BAZ1A: variants seen among roughly 807,000 people sequenced by gnomAD.
The protein encoded by BAZ1A is bromodomain adjacent to zinc finger domain 1A.
In BAZ1A, 50 loss-of-function variants were observed where a neutral mutation model predicts 185.2. The ratio of observed to expected loss-of-function variants is 0.27; its 90% CI spans 0.22 to 0.34. The LOEUF (loss-of-function observed/expected upper bound fraction) is 0.34, where lower values mean the gene tolerates loss of function less well. Ranked by LOEUF, BAZ1A falls within the 10% of genes least tolerant of loss-of-function variation. BAZ1A has a pLI of 1.00. For missense variants in BAZ1A, 1,356 were observed against 1,839.9 expected, an observed-to-expected ratio of 0.74 and a Z score of 4.81; for synonymous variants, 571 against 615.6, an observed-to-expected ratio of 0.93 and a Z score of 1.07.
At chr14:34,762,906 T>A (rs1349308715) in intron 23 of BAZ1A, among the ~76,000 whole-genome samples, 2 of 152,174 alleles carry the variant, frequency 1.3e-5, no homozygotes, top group Non-Finnish European at 2.9e-5. Context: ...AATGAAGTAA[T>A]CTTAAAATGA....
rs547556923 is a variant in BAZ1A at position 34,822,087 on chromosome 14, G to T, written c.536+3926C>A. ...AGGCGGGTGTATCACCTGAGGTCAGGAGTTTGAGACCAGCCTGTCCAACAT... is the reference window on the plus strand; with the variant it reads ...AGGCGGGTGTATCACCTGAGGTCAGTAGTTTGAGACCAGCCTGTCCAACAT... On this transcript the variant is annotated intron_variant, in intron 4 of 26. Coordinates refer to ENST00000360310, the MANE Select transcript of BAZ1A (RefSeq NM_013448.3). Among the ~76,000 whole-genome samples, 843 of 152,218 alleles carry T rather than the reference G, an allele frequency of 5.5e-3. 8 individuals are homozygous for T. Among genetic ancestry groups the T allele is most frequent in the African/African-American group, 0.02 (812 of 41,530 alleles).
rs535213279 is a variant in BAZ1A at position 34,777,375 on chromosome 14, G to C, written c.2237-860C>G. 4.6e-5 allele frequency among the ~76,000 whole-genome samples: 7 copies of C among 152,348 alleles called. No individual in the cohort carries two copies. The East Asian group carries it at 1.3e-3, about 29-fold the overall frequency. On this transcript the variant is annotated intron_variant, in intron 17 of 26. Transcript: ENST00000360310. The stretch of plus-strand genomic sequence containing the variant: ...ATTGTAAAAATCCGGCTGGCGCGGT[G>C]GCCCATGCCTGTAATCCCAGAACTT...
In BAZ1A at chr14:34,771,650, C is replaced by T. The variant is rs753649339; in HGVS notation, c.3162G>A (p.Gly1054=). 1 of 1,611,478 alleles carries T rather than the reference C, an allele frequency of 6.2e-7. No individual in the cohort carries two copies. Among genetic ancestry groups the T allele is most frequent in the Admixed American group, 1.7e-5 (1 of 59,410 alleles). ...CAGTACTTGGAGTTTCTGTTTTTAT[C>T]CCCAAAAGTCTACAATTAAAACAAT... ...TKVIVKDRLL[G]IKTETPSTVS... The change falls in exon 21 of 27, where the codon GGG becomes GGA. Residue 1054 remains glycine (G), a synonymous_variant. Transcript: ENST00000360310.
Position 34,758,984 on chromosome 14 carries a change from A to T in BAZ1A, c.4244-138T>A, listed in dbSNP as rs1886391569. The T allele has an allele frequency of 3.6e-6, 3 of 837,698 alleles. No homozygotes were observed. In the African/African-American group the frequency reaches 5.2e-5, roughly 15 times the overall value. 51.9% of individuals were successfully genotyped at this position (837,698 alleles called of 1,614,324 possible). On this transcript the variant is annotated intron_variant, in intron 24 of 26. Coordinates refer to ENST00000360310, the MANE Select transcript of BAZ1A (RefSeq NM_013448.3). ...ACTGAGATGTTAACTATTTTCTGGG[A>T]GATATGAAAATTCAACCAAAATAGG...
chr14:34,869,121 G>A lies in BAZ1A; in HGVS notation c.113+5371C>T, dbSNP rs907832902. Among the ~76,000 whole-genome samples the A allele has an allele frequency of 2.6e-5, 4 of 151,116 alleles. No homozygotes were observed. In the East Asian group the frequency reaches 5.9e-4, roughly 22 times the overall value. The stretch of plus-strand genomic sequence containing the variant: ...GCTCGGGAGGCTGAGGCAGGAGAAT[G>A]GCATGAACCCGGGAGGCGGAGTTTG... On this transcript the variant is annotated intron_variant, in intron 2 of 26. Transcript: ENST00000360310.
intron 24 of BAZ1A, among the ~76,000 whole-genome samples, chr14:34,759,183 T>TTGTTTTTTTTTTTTTG (rs1566543384): frequency 8.3e-6 from 1 of 120,962 alleles, no homozygotes; most frequent in African/African-American, 3.5e-5. Flanking sequence ...TTTTTTTTTT[T>TTGTTTTTTTTTTTTTG]TTTTTTTTTT....
chr14:34,763,606 C>T (rs558617059), intron 23 of BAZ1A, among the ~76,000 whole-genome samples: 1 of 152,136 alleles, frequency 6.6e-6, no homozygotes, highest in Admixed American at 6.5e-5. Context: ...CTGCATGCTA[C>T]AATTATAATT....
intron 11 of BAZ1A, 93 bp downstream of exon 11, chr14:34,794,656 G>GC (rs1881081685): frequency 7.8e-7 from 1 of 1,283,424 alleles, no homozygotes; most frequent in African/African-American, 1.5e-5. Context: ...CAACTCCAGT[G>GC]CCCCCACAGA....
chr14:34,763,705 A>C (rs945842825), intron 23 of BAZ1A, among the ~76,000 whole-genome samples: 9 of 152,152 alleles, frequency 5.9e-5, no homozygotes, highest in Non-Finnish European at 1.2e-4. Context: ...CTCATTTTTT[A>C]TCTCTCTGTC....
At chr14:34,760,280 T>A (rs1388678414) in intron 24 of BAZ1A, among the ~76,000 whole-genome samples, 1 of 152,068 alleles carries the variant, frequency 6.6e-6, no homozygotes, top group Non-Finnish European at 1.5e-5. Context: ...CTTGGAGAAT[T>A]GGGGAAAAGC....
At chr14:34,848,127 G>GCTA (rs1162316587) in intron 3 of BAZ1A, among the ~76,000 whole-genome samples, 1 of 152,086 alleles carries the variant, frequency 6.6e-6, no homozygotes, top group African/African-American at 2.4e-5. Context: ...CTCCCAAAGT[G>GCTA]CTAGGATTAC....
chr14:34,862,409 A>G (rs756743892), intron 2 of BAZ1A, 87 bp from the exon 3 acceptor site: 22 of 1,460,014 alleles, frequency 1.5e-5, no homozygotes, highest in Non-Finnish European at 1.5e-5. Context: ...TTATCAGGTT[A>G]TTTTTGTGCC....
At chr14:34,775,330 C>T (rs1251745664) in intron 18 of BAZ1A, among the ~76,000 whole-genome samples, 2 of 152,108 alleles carry the variant, frequency 1.3e-5, no homozygotes, top group Admixed American at 6.5e-5. Flanking sequence ...TAATTTAAAA[C>T]GTTTTTAGCT....
chr14:34,816,356 A>G (rs1362464641), intron 4 of BAZ1A, among the ~76,000 whole-genome samples: 2 of 152,002 alleles, frequency 1.3e-5, no homozygotes, highest in Non-Finnish European at 2.9e-5. Context: ...CAAAGTGCTG[A>G]GATTTATAGG....
At chr14:34,863,464 T>C (rs1297942792) in intron 2 of BAZ1A, among the ~76,000 whole-genome samples, 2 of 151,886 alleles carry the variant, frequency 1.3e-5, no homozygotes, top group African/African-American at 2.4e-5. Flanking sequence ...CGCCCGGCCA[T>C]GCTCATCTAA....
intron 12 of BAZ1A, among the ~76,000 whole-genome samples, chr14:34,788,143 A>G (rs1257612534): frequency 6.7e-6 from 1 of 149,794 alleles, no homozygotes; most frequent in African/African-American, 2.5e-5. Context: ...TCAGCCTCCC[A>G]GGTAGCTGGG....
At chr14:34,792,585 A>C (rs559887930) in intron 12 of BAZ1A, among the ~76,000 whole-genome samples, 190 bp downstream of exon 12, 1 of 152,348 alleles carries the variant, frequency 6.6e-6, no homozygotes, top group African/African-American at 2.4e-5. Context: ...AGGTTGTCAG[A>C]CACAGGTTAT....
intron 3 of BAZ1A, among the ~76,000 whole-genome samples, chr14:34,844,813 A>ACAC (rs2042482846): frequency 6.7e-6 from 1 of 148,834 alleles, no homozygotes; most frequent in African/African-American, 2.5e-5. Context: ...ACACACACAC[A>ACAC]AAATCCAACA....
chr14:34,841,107 C>T (rs2042408230), intron 3 of BAZ1A, among the ~76,000 whole-genome samples: 1 of 152,060 alleles, frequency 6.6e-6, no homozygotes. Context: ...CGCCATCATG[C>T]CCTGCTAATT....
Sources: allele counts gnomAD v4.1 joint callset (sites outside exome capture counted in the v4.1 genomes callset), GRCh38; gene constraint gnomAD v4.1.1; transcripts MANE v1.5; gene names NCBI Gene and HGNC (gene_info 2026-07-23, HGNC 2026-07-21).